IGSF11: variants seen among roughly 807,000 people sequenced by gnomAD.
The protein encoded by IGSF11 is immunoglobulin superfamily member 11.
IGSF11 carries 22 observed loss-of-function variants against 41.0 expected under a neutral mutation model. That is an observed-to-expected ratio of 0.54 (90% CI 0.38 to 0.77). The LOEUF (loss-of-function observed/expected upper bound fraction) is 0.77, where lower values mean the gene tolerates loss of function less well. Ranked by LOEUF, IGSF11 falls within the 30% of genes least tolerant of loss-of-function variation. The pLI is 0.00. For synonymous variants in IGSF11, 219 were observed against 201.3 expected, an observed-to-expected ratio of 1.09 and a Z score of -0.74; for missense variants, 444 against 530.8, an observed-to-expected ratio of 0.84 and a Z score of 1.61.
intron 1 of IGSF11, among the ~76,000 whole-genome samples, chr3:118,933,497 C>CAA (rs1943023875): frequency 6.9e-6 from 1 of 145,202 alleles, no homozygotes; most frequent in Non-Finnish European, 1.5e-5. Context: ...TATACACACA[C>CAA]ACACACATAT....
Position 119,072,212 on chromosome 3 carries a change from G to T in IGSF11, c.49+32932C>A, listed in dbSNP as rs1338487691. 3.9e-5 allele frequency among the ~76,000 whole-genome samples: 6 copies of T among 152,184 alleles called. No homozygotes were observed. The East Asian group carries it at 1.2e-3, about 29-fold the overall frequency. On this transcript the variant is annotated intron_variant, in intron 1 of 6. Transcript: ENST00000354673. ...GGGTTTCTCTTCCTTGCAAGCAAAT[G>T]ATCCTGAGCTAAGGCATTATCTATC...
At chr3:119,055,339 C>T (rs1455976895) in intron 1 of IGSF11, among the ~76,000 whole-genome samples, 1 of 152,088 alleles carries the variant, frequency 6.6e-6, no homozygotes, top group African/African-American at 2.4e-5. Context: ...ATGACTTTGA[C>T]AAGTTGAGAG....
intron 1 of IGSF11, among the ~76,000 whole-genome samples, chr3:119,014,126 G>A (rs1322144742): frequency 6.6e-6 from 1 of 152,098 alleles, no homozygotes; most frequent in Non-Finnish European, 1.5e-5. Flanking sequence ...CCACCCCCTC[G>A]GGTAATTTAC....
At chr3:119,025,788 G>T (rs1381831333) in intron 1 of IGSF11, among the ~76,000 whole-genome samples, 3 of 151,960 alleles carry the variant, frequency 2.0e-5, no homozygotes, top group African/African-American at 7.3e-5. Flanking sequence ...CTAGACCACA[G>T]AAATATCTAT....
chr3:118,928,073 T>C (rs115967053), intron 3 of IGSF11, among the ~76,000 whole-genome samples: 139 of 152,276 alleles, frequency 9.1e-4, no homozygotes, highest in African/African-American at 3.3e-3. Flanking sequence ...GGACAACACG[T>C]GCAAGCCAAG....
At chr3:119,092,999 C>T (rs1437954870) in intron 1 of IGSF11, among the ~76,000 whole-genome samples, 1 of 152,086 alleles carries the variant, frequency 6.6e-6, no homozygotes, top group Admixed American at 6.6e-5. Flanking sequence ...AGGTTTGTGT[C>T]AGTACACTGT....
intron 1 of IGSF11, among the ~76,000 whole-genome samples, chr3:119,087,167 G>A (rs1263629733): frequency 6.6e-6 from 1 of 152,142 alleles, no homozygotes; most frequent in Admixed American, 6.5e-5. Flanking sequence ...GGAAAATAGT[G>A]TGGAGATTCC....
chr3:119,107,609 A>G (rs1268973391), upstream of IGSF11, among the ~76,000 whole-genome samples: 2 of 151,898 alleles, frequency 1.3e-5, no homozygotes, highest in Non-Finnish European at 2.9e-5. Context: ...CCATTTGTCA[A>G]TTTTGGCTTT....
Position 118,974,350 on chromosome 3 carries a change from C to T in IGSF11, c.53-44075G>A, listed in dbSNP as rs535933204. Among the ~76,000 whole-genome samples, 9 of 152,228 alleles carry T rather than the reference C, an allele frequency of 5.9e-5. 1 individual carries two copies. The East Asian group carries it at 9.6e-4, about 16-fold the overall frequency. On this transcript the variant is annotated intron_variant, in intron 1 of 6. Coordinates refer to ENST00000393775, the MANE Select transcript of IGSF11 (RefSeq NM_001015887.3). ...GAATTGAAGTAGATAATAATCTTTACCTGAGAAAGATCCGTTGGAAGAAAA... is the reference window on the plus strand; with the variant it reads ...GAATTGAAGTAGATAATAATCTTTATCTGAGAAAGATCCGTTGGAAGAAAA...
chr3:119,047,244 G>A (rs1453868478), intron 1 of IGSF11, among the ~76,000 whole-genome samples: 1 of 151,842 alleles, frequency 6.6e-6, no homozygotes, highest in Non-Finnish European at 1.5e-5. Flanking sequence ...GCTGTATTCA[G>A]GAAACCCATC....
intron 4 of IGSF11, among the ~76,000 whole-genome samples, chr3:118,913,016 AAAG>A (rs1156639511): frequency 6.6e-6 from 1 of 152,174 alleles, no homozygotes; most frequent in Admixed American, 6.5e-5. Context: ...GAAGGAAAGA[AAAG>A]AAGAAAATAA....
chr3:119,010,532 G>A (rs1032628142), intron 1 of IGSF11, among the ~76,000 whole-genome samples: 14 of 152,100 alleles, frequency 9.2e-5, no homozygotes, highest in Non-Finnish European at 1.6e-4. Flanking sequence ...ATTTAGGGCC[G>A]AAATAAAAAC....
At chr3:119,094,332 GAAC>G in intron 1 of IGSF11, among the ~76,000 whole-genome samples, 1 of 138,680 alleles carries the variant, frequency 7.2e-6, no homozygotes, top group East Asian at 2.4e-4. Flanking sequence ...TTTACTAATT[GAAC>G]AACAAGGTAC....
intron 1 of IGSF11, among the ~76,000 whole-genome samples, chr3:118,957,359 C>T (rs1272081483): frequency 1.3e-5 from 2 of 152,266 alleles, no homozygotes; most frequent in South Asian, 2.1e-4. Context: ...GTACCCACAG[C>T]CCACTCAAGT....
chr3:118,938,386 C>A (rs1943437206), intron 1 of IGSF11, among the ~76,000 whole-genome samples: 2 of 152,182 alleles, frequency 1.3e-5, no homozygotes, highest in Admixed American at 1.3e-4. Flanking sequence ...GCCAGGATCC[C>A]CACCCACTTC....
At chr3:119,094,252 G>A (rs1308835972) in intron 1 of IGSF11, among the ~76,000 whole-genome samples, 157 of 35,584 alleles carry the variant, frequency 4.4e-3, no homozygotes, top group East Asian at 8.5e-3. Context: ...AAAAAAAAAA[G>A]TTGTTGTTCA....
At position 119,096,262 on chromosome 3, in the gene IGSF11, C is replaced by T. The variant is rs1345415419; in HGVS notation, c.49+8882G>A. On this transcript the variant is annotated intron_variant, in intron 1 of 6. Coordinates refer to the IGSF11 transcript ENST00000354673. ...TTATTAACTGGTCTACCCCTTATGG[C>T]CCAGGCTTTTGGACATACATGTGGA... Among the ~76,000 whole-genome samples the T allele has an allele frequency of 2.6e-5, 4 of 151,992 alleles. No homozygotes were observed. The East Asian group carries it at 5.8e-4, about 22-fold the overall frequency.
At chr3:119,004,741 A>T (rs1937300628) in intron 1 of IGSF11, among the ~76,000 whole-genome samples, 1 of 148,372 alleles carries the variant, frequency 6.7e-6, no homozygotes, top group African/African-American at 2.5e-5. Context: ...ATTCAGGAGC[A>T]GGTTGTTCAG....
Position 119,128,687 on chromosome 3 carries a change from C to G in IGSF11, c.-14+17126G>C, listed in dbSNP as rs543358295. 2.0e-5 allele frequency among the ~76,000 whole-genome samples: 3 copies of G among 152,110 alleles called. No individual in the cohort carries two copies. The East Asian group carries it at 5.8e-4, about 29-fold the overall frequency. On this transcript the variant is annotated intron_variant, in intron 1 of 7. Transcript: ENST00000425327. ...CATAATGGTAAAGGGAACAATTCAACAAGAAAAGCTAACTATTCTGAATAT... is the reference window on the plus strand; with the variant it reads ...CATAATGGTAAAGGGAACAATTCAAGAAGAAAAGCTAACTATTCTGAATAT...
Sources: gnomAD v4.1 joint callset for allele counts (sites outside exome capture counted in the v4.1 genomes callset) on GRCh38, gnomAD v4.1.1 for gene constraint, MANE v1.5 for transcripts, NCBI Gene and HGNC (gene_info 2026-07-23, HGNC 2026-07-21) for gene names.